The following CRADD variants were observed in gnomAD, a reference collection of about 807,000 sequenced individuals.
The protein encoded by CRADD is CARD and death domain containing adaptor protein.
CRADD carries 9 observed loss-of-function variants against 15.5 expected under a neutral mutation model. The ratio of observed to expected loss-of-function variants is 0.58; its 90% CI spans 0.35 to 1.01. CRADD has a LOEUF of 1.01. Ranked by LOEUF, CRADD falls within the 50% of genes least tolerant of loss-of-function variation. CRADD has a pLI of 0.02. For synonymous variants in CRADD, 118 were observed against 107.6 expected (o/e 1.10, Z -0.60); for missense variants, 227 against 250.3 (o/e 0.91, Z 0.63).
chr12:93,869,091 A>T (rs1005077473), intron 2 of CRADD, among the ~76,000 whole-genome samples: 1 of 152,194 alleles, frequency 6.6e-6, no homozygotes, highest in Non-Finnish European at 1.5e-5. Flanking sequence ...AATCTCACCA[A>T]ATTAGTGGGG....
intron 2 of CRADD, among the ~76,000 whole-genome samples, chr12:93,771,291 T>C (rs1431468311): frequency 2.6e-5 from 4 of 152,206 alleles, no homozygotes; most frequent in African/African-American, 9.7e-5. Flanking sequence ...TTAAACTCTC[T>C]CCCAGAGTTA....
At chr12:93,886,652 C>T (rs918629586) in intron 2 of CRADD, among the ~76,000 whole-genome samples, 2 of 152,130 alleles carry the variant, frequency 1.3e-5, no homozygotes, top group Non-Finnish European at 2.9e-5. Context: ...TTTCCCTTCC[C>T]CAGGACCACA....
At chr12:93,678,496 A>C (rs535072237) in intron 1 of CRADD, among the ~76,000 whole-genome samples, 1 of 151,874 alleles carries the variant, frequency 6.6e-6, no homozygotes, top group South Asian at 2.1e-4. Context: ...TTCTTTTTCC[A>C]AATTTCTTTA....
intron 2 of CRADD, among the ~76,000 whole-genome samples, chr12:93,697,598 A>C (rs1955741260): frequency 9.0e-6 from 1 of 110,534 alleles, no homozygotes; most frequent in Non-Finnish European, 1.7e-5. Flanking sequence ...TAAAATAATA[A>C]GTTAAATAAG....
intron 2 of CRADD, among the ~76,000 whole-genome samples, chr12:93,832,084 A>G (rs1957911304): frequency 6.6e-6 from 1 of 152,192 alleles, no homozygotes; most frequent in Non-Finnish European, 1.5e-5. Context: ...ATGATATCAC[A>G]TTTATCCCAT....
At chr12:93,842,470 T>C (rs1225252054) in intron 2 of CRADD, among the ~76,000 whole-genome samples, 1 of 152,076 alleles carries the variant, frequency 6.6e-6, no homozygotes. Flanking sequence ...GATCATCAGC[T>C]CCTGGAAAGG....
At chr12:93,767,643 A>G (rs1021558514) in intron 2 of CRADD, among the ~76,000 whole-genome samples, 1 of 152,204 alleles carries the variant, frequency 6.6e-6, no homozygotes, top group African/African-American at 2.4e-5. Flanking sequence ...CCAAGGATGT[A>G]CACCTAGTAA....
chr12:93,819,334 C>G (rs1457781270), intron 2 of CRADD, among the ~76,000 whole-genome samples: 1 of 152,194 alleles, frequency 6.6e-6, no homozygotes, highest in Non-Finnish European at 1.5e-5. Context: ...AGGGGAACAT[C>G]TAGAAACCAG....
intron 2 of CRADD, among the ~76,000 whole-genome samples, chr12:93,729,873 T>C (rs1398144810): frequency 6.6e-6 from 1 of 150,446 alleles, no homozygotes; most frequent in Non-Finnish European, 1.5e-5. Context: ...GTGGAGAAAA[T>C]GTTGGCTATA....
Position 93,832,555 on chromosome 12 carries a change from T to C in CRADD, c.299-17415T>C, listed in dbSNP as rs187730055. 5.2e-3 allele frequency among the ~76,000 whole-genome samples: 531 copies of C among 102,036 alleles called. 6 individuals are homozygous for C. The highest frequency in any genetic ancestry group is 0.013 in the African/African-American group (482 of 37,262). 66.9% of individuals were successfully genotyped at this position (102,036 alleles called of 152,430 possible). A position where few individuals can be genotyped will look rare whatever the true frequency, so the allele number is the denominator to read the frequency against. Reference sequence around the variant, plus strand: ...CTTCTTAATCTTTCTCTATACTCTTTATTACTTAGTAAACAGCAGCAAAGA... The same window carrying C: ...CTTCTTAATCTTTCTCTATACTCTTCATTACTTAGTAAACAGCAGCAAAGA... On this transcript the variant is annotated intron_variant, in intron 2 of 2. Transcript: ENST00000332896.
At chr12:93,779,994 G>A in intron 2 of CRADD, among the ~76,000 whole-genome samples, 1 of 152,224 alleles carries the variant, frequency 6.6e-6, no homozygotes, top group Non-Finnish European at 1.5e-5. Context: ...ATTCAGAAGA[G>A]TGGCGTAAAC....
chr12:93,680,037 GA>G (rs1035057529), intron 2 of CRADD, among the ~76,000 whole-genome samples: 3 of 152,180 alleles, frequency 2.0e-5, no homozygotes, highest in African/African-American at 7.2e-5. Flanking sequence ...ATTTGAAGGA[GA>G]ATTGGAAGCT....
chr12:93,685,326 A>G (rs1212119719), intron 2 of CRADD, among the ~76,000 whole-genome samples: 1 of 152,148 alleles, frequency 6.6e-6, no homozygotes, highest in African/African-American at 2.4e-5. Context: ...TGGATACAAA[A>G]TTACAGCTAG....
chr12:93,780,523 A>C (rs914742535), intron 2 of CRADD, among the ~76,000 whole-genome samples: 1 of 152,190 alleles, frequency 6.6e-6, no homozygotes, highest in Non-Finnish European at 1.5e-5. Context: ...GACTAACTTC[A>C]AAGCCTGGCT....
At chr12:93,803,291 C>G (rs1957494798) in intron 2 of CRADD, among the ~76,000 whole-genome samples, 1 of 152,188 alleles carries the variant, frequency 6.6e-6, no homozygotes, top group Non-Finnish European at 1.5e-5. Context: ...TGCTCTCTCT[C>G]TTTCATCTTC....
chr12:93,857,508 A>G (rs192056165), intron 2 of CRADD, among the ~76,000 whole-genome samples: 13 of 152,356 alleles, frequency 8.5e-5, no homozygotes, highest in Admixed American at 7.2e-4. Context: ...CTGGCCAAGA[A>G]TGAGGGTGTC....
At chr12:93,747,618 G>A (rs1247511355) in intron 2 of CRADD, among the ~76,000 whole-genome samples, 2 of 152,014 alleles carry the variant, frequency 1.3e-5, no homozygotes, top group South Asian at 2.1e-4. Context: ...ACAGGCATGC[G>A]CCACAGTGCT....
intron 2 of CRADD, among the ~76,000 whole-genome samples, chr12:93,757,714 T>C (rs1363607819): frequency 6.6e-6 from 1 of 152,176 alleles, no homozygotes; most frequent in African/African-American, 2.4e-5. Flanking sequence ...CAATAGGACA[T>C]TGTTTGCTCA....
chr12:93,750,624 A>G (rs1245152246), intron 2 of CRADD, among the ~76,000 whole-genome samples: 2 of 152,186 alleles, frequency 1.3e-5, no homozygotes, highest in Non-Finnish European at 2.9e-5. Flanking sequence ...AAAACCGACT[A>G]TATGTATCAA....
Sources: allele counts gnomAD v4.1 joint callset (sites outside exome capture counted in the v4.1 genomes callset), GRCh38; gene constraint gnomAD v4.1.1; transcripts MANE v1.5; gene names NCBI Gene and HGNC (gene_info 2026-07-23, HGNC 2026-07-21).